The following DNAH10 variants were observed in gnomAD, a reference collection of about 807,000 sequenced individuals.
DNAH10 encodes axonemal beta dynein heavy chain 10.
A neutral mutation model predicts 506.6 loss-of-function variants in DNAH10; 348 were observed. That is an observed-to-expected ratio of 0.69 (90% CI 0.63 to 0.75). The LOEUF is 0.75. Ranked by LOEUF, DNAH10 falls within the 30% of genes least tolerant of loss-of-function variation. The pLI is 0.00. For synonymous variants in DNAH10, 2,059 were observed against 2,198.6 expected, an observed-to-expected ratio of 0.94 and a Z score of 1.78; for missense variants, 5,179 against 5,787.1, an observed-to-expected ratio of 0.89 and a Z score of 3.41.
chr12:123,897,735 A>G (rs1326310500), intron 54 of DNAH10, 35 bp from the exon 55 acceptor site: 6 of 1,588,810 alleles, frequency 3.8e-6, no homozygotes, highest in Non-Finnish European at 5.1e-6. Flanking sequence ...GAAAAAGAAA[A>G]AGAAAGAAAA....
intron 47 of DNAH10, 77 bp downstream of exon 47, chr12:123,875,568 A>G (rs1952222118): frequency 2.5e-6 from 4 of 1,571,790 alleles, no homozygotes; most frequent in Non-Finnish European, 3.5e-6. Context: ...TGACTTATCC[A>G]TGTAGGCACA....
intron 3 of DNAH10, 93 bp downstream of exon 3, chr12:123,771,791 A>G: frequency 1.9e-6 from 2 of 1,071,972 alleles, no homozygotes; most frequent in Non-Finnish European, 2.7e-6. Context: ...CATCCAAGGG[A>G]TTTATCATGT....
chr12:123,853,414 A>T lies in DNAH10; in HGVS notation c.6438+62A>T, dbSNP rs891917009. 2.6e-6 allele frequency: 4 copies of T among 1,557,488 alleles called. No individual in the cohort carries two copies. The highest frequency in any genetic ancestry group is 1.4e-5 in the African/African-American group (1 of 73,478). On this transcript the variant is annotated intron_variant, in intron 36 of 78. Coordinates refer to ENST00000673944, the MANE Select transcript of DNAH10 (RefSeq NM_001372106.1). The surrounding 1 kb of genome is among the most constrained non-coding windows in gnomAD (Gnocchi z 4.7). Reference sequence around the variant, plus strand: ...CTGCTTCAGGCATTTACTACGTGCCATTGGGGAGGTGATGGGCACAGTATG... The same window carrying T: ...CTGCTTCAGGCATTTACTACGTGCCTTTGGGGAGGTGATGGGCACAGTATG...
At chr12:123,826,134 A>AAAT (rs1555225305) in intron 24 of DNAH10, among the ~76,000 whole-genome samples, 5 of 150,634 alleles carry the variant, frequency 3.3e-5, no homozygotes, top group African/African-American at 1.2e-4. Context: ...AAAAAAATAA[A>AAAT]AATAATAATT....
chr12:123,923,868 G>A lies in DNAH10; in HGVS notation c.11611+1G>A, dbSNP rs1954829427. 1 of 1,603,884 alleles carries A rather than the reference G, an allele frequency of 6.2e-7. No homozygotes were observed. The highest frequency in any genetic ancestry group is 1.7e-5 in the Admixed American group (1 of 58,692). On this transcript the variant is annotated splice_donor_variant, in intron 66 of 78. Coordinates refer to ENST00000673944, the MANE Select transcript of DNAH10 (RefSeq NM_001372106.1). LOFTEE classifies it high-confidence loss of function. ...GAAGAACTAGATTTCTTTTTAAAAG[G>A]TAATGAATTTGCCTAGCTTCATTCC... is the stretch of plus-strand genomic sequence containing the variant.
chr12:123,800,403 CT>C lies in DNAH10; in HGVS notation c.2462+19del. On this transcript the variant is annotated intron_variant, in intron 15 of 78. Transcript: ENST00000673944. ...AAATTCCTTAGGTAAAAAAATTCTT[CT>C]TTTAAATTAGCAGTAAGCTTTTTGT... The C allele has an allele frequency of 6.2e-7, 1 of 1,609,150 alleles. No homozygotes were observed. Among genetic ancestry groups the C allele is most frequent in the South Asian group, 1.1e-5 (1 of 90,412 alleles).
chr12:123,820,495 T>G, intron 23 of DNAH10, 85 bp from the exon 24 acceptor site: 1 of 1,331,794 alleles, frequency 7.5e-7, no homozygotes, highest in Non-Finnish European at 1.0e-6. Context: ...AAATTATAAT[T>G]GAGATACATT....
At chr12:123,883,055 C>G (rs1038240815) in intron 51 of DNAH10, among the ~76,000 whole-genome samples, 4 of 152,066 alleles carry the variant, frequency 2.6e-5, no homozygotes, top group African/African-American at 9.7e-5. Context: ...ATCGGTACTT[C>G]ATTTTTTTTT....
chr12:123,932,480 A>AT (rs11372935), intron 76 of DNAH10: 43,709 of 153,306 alleles, frequency 0.29, 5,949 homozygotes, highest in Middle Eastern at 0.32. Flanking sequence ...GGTGGTTACC[A>AT]TTTTTTTTTT....
rs367987509 is a variant in DNAH10 at position 123,931,321 on chromosome 12, G to A, written c.12785-20G>A. 313 of 1,612,690 alleles carry A rather than the reference G, an allele frequency of 1.9e-4. No homozygotes were observed. Among genetic ancestry groups the A allele is most frequent in the Non-Finnish European group, 2.5e-4 (297 of 1,179,710 alleles). ...CAGGTGGCTGGACAGTGCCACCTCC[G>A]TTGTTCTCTGTGATTGCAGAAGCCA... On this transcript the variant is annotated intron_variant, in intron 73 of 78. Coordinates refer to ENST00000673944, the MANE Select transcript of DNAH10 (RefSeq NM_001372106.1).
At chr12:123,866,685 C>T (rs944543124) in intron 41 of DNAH10, among the ~76,000 whole-genome samples, 7 of 152,336 alleles carry the variant, frequency 4.6e-5, no homozygotes, top group Middle Eastern at 3.4e-3. Context: ...AATATGATTT[C>T]TTTCACAGCT....
At chr12:123,898,002 A>G (rs762279444) in intron 55 of DNAH10, 35 bp downstream of exon 55, 1 of 1,515,556 alleles carries the variant, frequency 6.6e-7, no homozygotes, top group East Asian at 2.4e-5. Flanking sequence ...GACAAAAGTC[A>G]TTATTATTTA....
chr12:123,785,707 GC>G lies in DNAH10; in HGVS notation c.1231-38del. On this transcript the variant is annotated intron_variant, in intron 8 of 78. Coordinates refer to ENST00000673944, the MANE Select transcript of DNAH10 (RefSeq NM_001372106.1). This position sits in a 1 kb window ranked among gnomAD's most constrained non-coding sequence, Gnocchi z 4.1. The stretch of plus-strand genomic sequence containing the variant: ...TTTATGAAACTATTTGGACCCCAAG[GC>G]TAAGGGCTCTTGCGTGGCTCTCTCC... 6.6e-7 allele frequency: 1 copy of G among 1,503,828 alleles called. No homozygotes were observed. Among genetic ancestry groups the G allele is most frequent in the Non-Finnish European group, 9.0e-7 (1 of 1,114,184 alleles). 93.2% of individuals were successfully genotyped at this position (1,503,828 alleles called of 1,614,324 possible). A position where few individuals can be genotyped will look rare whatever the true frequency, so the allele number is the denominator to read the frequency against.
chr12:123,817,995 G>A (rs532462806), intron 21 of DNAH10, among the ~76,000 whole-genome samples: 79 of 149,416 alleles, frequency 5.3e-4, no homozygotes, highest in Non-Finnish European at 1.1e-3. Context: ...TGTTGCCTAG[G>A]CTGAGTGCAA....
At chr12:123,771,073 G>A (rs184424743) in intron 2 of DNAH10, among the ~76,000 whole-genome samples, 31 of 148,686 alleles carry the variant, frequency 2.1e-4, no homozygotes, top group African/African-American at 7.3e-4. Context: ...GGCCTCAAGC[G>A]ATTCTCCTGC....
intron 13 of DNAH10, among the ~76,000 whole-genome samples, 194 bp from the exon 14 acceptor site, chr12:123,799,052 C>T (rs1328220343): frequency 1.4e-5 from 2 of 145,414 alleles, no homozygotes; most frequent in Non-Finnish European, 3.0e-5. Context: ...ATGTAGTGAG[C>T]TGAGATCGCG....
intron 56 of DNAH10, among the ~76,000 whole-genome samples, chr12:123,900,801 C>G (rs1953485365): frequency 6.6e-6 from 1 of 152,208 alleles, no homozygotes; most frequent in Non-Finnish European, 1.5e-5. Context: ...TGGGCTTCAT[C>G]TCAGGCAGCC....
chr12:123,928,514 C>G lies in DNAH10; in HGVS notation c.12233C>G (p.Pro4078Arg). ...CTGGAGAGGATCACCAAGCCCCACC[C>G]AGACTTCCGCCTGTGGCTCACCACG... ...KSLERITKPH[P>R]DFRLWLTTDP... The change falls in exon 70 of 79, where the codon CCA (proline) becomes CGA (arginine). Residue 4078 changes from proline (P) to arginine (R), a missense_variant. Physicochemically the swap from Pro to Arg is moderately radical, Grantham distance 103. Around this residue, in one of 3 missense-constraint regions of DNAH10, gnomAD observed 4,844 missense variants for 5,430.5 expected, o/e 0.89. Transcript: ENST00000673944. This position sits in a 1 kb window ranked among gnomAD's most constrained non-coding sequence, Gnocchi z 4.9. The G allele has an allele frequency of 3.7e-6, 6 of 1,611,424 alleles. No individual in the cohort carries two copies. The highest frequency in any genetic ancestry group is 5.1e-6 in the Non-Finnish European group (6 of 1,178,908).
chr12:123,866,235 T>TTTTTTTTTG (rs1951802745), intron 41 of DNAH10, among the ~76,000 whole-genome samples, 162 bp downstream of exon 41: 1 of 99,568 alleles, frequency 1.0e-5, no homozygotes, highest in African/African-American at 4.3e-5. Context: ...CACACTTTTT[T>TTTTTTTTTG]TTTTTTTTTT....
Sources: allele counts gnomAD v4.1 joint callset (sites outside exome capture counted in the v4.1 genomes callset), GRCh38; gene constraint gnomAD v4.1.1; regional missense constraint gnomAD v4.1.1; non-coding constraint Gnocchi (gnomAD v3.1); transcripts MANE v1.5; gene names NCBI Gene and HGNC (gene_info 2026-07-23, HGNC 2026-07-21).